The following GAP43 variants were observed in gnomAD, a reference collection of about 807,000 sequenced individuals.
GAP43 encodes growth associated protein 43, also known as neuromodulin.
A neutral mutation model predicts 18.6 loss-of-function variants in GAP43; 6 were observed. That is an observed-to-expected ratio of 0.32 (90% CI 0.18 to 0.64). The LOEUF (loss-of-function observed/expected upper bound fraction) is 0.64. Ranked by LOEUF, GAP43 falls within the 30% of genes least tolerant of loss-of-function variation. GAP43 has a pLI of 0.78. For missense variants in GAP43, 292 were observed against 295.5 expected (o/e 0.99, Z 0.09); for synonymous variants, 115 against 111.4 (o/e 1.03, Z -0.20).
intron 2 of GAP43, among the ~76,000 whole-genome samples, chr3:115,688,943 G>C (rs1168792808): frequency 6.6e-6 from 1 of 152,164 alleles, no homozygotes; most frequent in African/African-American, 2.4e-5. Flanking sequence ...TCACGTCTTA[G>C]CTTTCTGATC....
intron 1 of GAP43, among the ~76,000 whole-genome samples, chr3:115,671,660 T>C (rs545712963): frequency 4.6e-5 from 7 of 152,340 alleles, no homozygotes; most frequent in African/African-American, 1.7e-4. Flanking sequence ...ATATCAACAA[T>C]TCTGTGTAAA....
intron 1 of GAP43, among the ~76,000 whole-genome samples, chr3:115,655,884 A>C (rs1278643716): frequency 6.6e-6 from 1 of 152,214 alleles, no homozygotes; most frequent in African/African-American, 2.4e-5. Flanking sequence ...CTGAAATACA[A>C]CAGGAACAGT....
At chr3:115,714,376 T>C (rs545759975) in intron 2 of GAP43, among the ~76,000 whole-genome samples, 68 of 152,160 alleles carry the variant, frequency 4.5e-4, no homozygotes, top group Non-Finnish European at 1.0e-4. Flanking sequence ...AAGAGCAATG[T>C]TTTTGTCAAG....
chr3:115,681,393 T>C (rs1404629028), intron 2 of GAP43, among the ~76,000 whole-genome samples: 1 of 152,220 alleles, frequency 6.6e-6, no homozygotes, highest in Non-Finnish European at 1.5e-5. Flanking sequence ...TTATGTTTTG[T>C]CTCAGTTTCT....
chr3:115,623,817 G>A (rs1045813040), intron 1 of GAP43, 98 bp downstream of exon 1: 12 of 1,257,852 alleles, frequency 9.5e-6, no homozygotes, highest in East Asian at 6.9e-5. Context: ...TTCTGCTCTG[G>A]CCGTGGTGCT....
chr3:115,712,091 A>G (rs1709447317), intron 2 of GAP43, among the ~76,000 whole-genome samples: 1 of 152,204 alleles, frequency 6.6e-6, no homozygotes, highest in African/African-American at 2.4e-5. Context: ...AGAAGTTTTC[A>G]AGGCTAGTCA....
At chr3:115,655,652 C>T (rs2107477651) in intron 1 of GAP43, among the ~76,000 whole-genome samples, 1 of 152,138 alleles carries the variant, frequency 6.6e-6, no homozygotes, top group East Asian at 1.9e-4. Flanking sequence ...TTCACATGTA[C>T]CAAAACTTTG....
chr3:115,693,495 T>G (rs1709141294), intron 2 of GAP43, among the ~76,000 whole-genome samples: 1 of 151,934 alleles, frequency 6.6e-6, no homozygotes, highest in African/African-American at 2.4e-5. Context: ...TAAATTATTA[T>G]TATTATTATT....
At position 115,694,203 on chromosome 3, in the gene GAP43, A is replaced by C. The variant is rs537104031; in HGVS notation, c.628+17593A>C. ...GCTGTTACAGGCAGCCCAGAAATCG[A>C]AGCATAGCTTGTTTTTCCAGCTCCA... On this transcript the variant is annotated intron_variant, in intron 2 of 2. Transcript: ENST00000305124. Among the ~76,000 whole-genome samples the C allele has an allele frequency of 2.0e-5, 3 of 152,288 alleles. No homozygotes were observed. The East Asian group carries it at 5.8e-4, about 29-fold the overall frequency.
At chr3:115,706,487 T>C (rs1709364840) in intron 2 of GAP43, among the ~76,000 whole-genome samples, 2 of 152,226 alleles carry the variant, frequency 1.3e-5, no homozygotes, top group African/African-American at 4.8e-5. Flanking sequence ...ATAAGGTTTT[T>C]GTTTGTTTAA....
At chr3:115,669,171 T>G (rs1290808085) in intron 1 of GAP43, among the ~76,000 whole-genome samples, 1 of 152,216 alleles carries the variant, frequency 6.6e-6, no homozygotes, top group Non-Finnish European at 1.5e-5. Flanking sequence ...AGATGTATTA[T>G]TATTTTCAAG....
intron 1 of GAP43, among the ~76,000 whole-genome samples, chr3:115,636,118 T>C (rs1018598687): frequency 6.6e-6 from 1 of 152,128 alleles, no homozygotes; most frequent in African/African-American, 2.4e-5. Flanking sequence ...AAATTAACTT[T>C]CCATTATTCA....
intron 2 of GAP43, among the ~76,000 whole-genome samples, chr3:115,698,165 A>T (rs1450386305): frequency 1.3e-3 from 38 of 29,980 alleles, no homozygotes; most frequent in Admixed American, 2.9e-3. Flanking sequence ...TAATATATAA[A>T]ATATATTAAA....
At chr3:115,716,765 T>C (rs3902170) in intron 2 of GAP43, among the ~76,000 whole-genome samples, 2,848 of 88,670 alleles carry the variant, frequency 0.032, 166 homozygotes, top group African/African-American at 0.12. Flanking sequence ...TATATATATA[T>C]ATACAGAGAG....
At chr3:115,649,890 T>TC (rs1461865815) in intron 1 of GAP43, among the ~76,000 whole-genome samples, 1 of 151,950 alleles carries the variant, frequency 6.6e-6, no homozygotes, top group Non-Finnish European at 1.5e-5. Flanking sequence ...CCCTCTTTTT[T>TC]CCCTCAGTGA....
intron 1 of GAP43, among the ~76,000 whole-genome samples, chr3:115,666,342 C>T (rs141245857): frequency 7.2e-5 from 11 of 152,202 alleles, no homozygotes; most frequent in Non-Finnish European, 1.6e-4. Flanking sequence ...GTAGTACTGT[C>T]GAGTTAAGAA....
At chr3:115,629,805 A>G (rs970096585) in intron 1 of GAP43, among the ~76,000 whole-genome samples, 7 of 152,188 alleles carry the variant, frequency 4.6e-5, no homozygotes, top group African/African-American at 1.7e-4. Flanking sequence ...AACCAGGTTT[A>G]TAGTCTTTTC....
At chr3:115,670,266 A>G (rs958559617) in intron 1 of GAP43, among the ~76,000 whole-genome samples, 2 of 143,528 alleles carry the variant, frequency 1.4e-5, no homozygotes, top group East Asian at 2.0e-4. Context: ...TTGTTCTTGC[A>G]ATAGTTTACT....
intron 2 of GAP43, among the ~76,000 whole-genome samples, chr3:115,689,278 T>A (rs1709072708): frequency 6.6e-6 from 1 of 152,166 alleles, no homozygotes; most frequent in African/African-American, 2.4e-5. Flanking sequence ...ATCTGTGTCG[T>A]CCTCAGTTTC....
Sources: allele counts gnomAD v4.1 joint callset (sites outside exome capture counted in the v4.1 genomes callset), GRCh38; gene constraint gnomAD v4.1.1; transcripts MANE v1.5; gene names NCBI Gene and HGNC (gene_info 2026-07-23, HGNC 2026-07-21).